The following KIF1B variants were observed in gnomAD, a reference collection of about 807,000 sequenced individuals.
KIF1B encodes kinesin-like protein KIF1B.
KIF1B carries 76 observed loss-of-function variants against 241.9 expected under a neutral mutation model. That is an observed-to-expected ratio of 0.31 (90% CI 0.26 to 0.38). The LOEUF is 0.38. Among genes scored for constraint, KIF1B ranks in the 10% least tolerant of loss-of-function variants. The probability of loss-of-function intolerance (pLI) is 1.00; values close to 1 mark genes in which losing one functional copy is unlikely to be tolerated. For synonymous variants in KIF1B, 750 were observed against 796.7 expected (o/e 0.94, Z 0.99); for missense variants, 1,622 against 2,271.4 (o/e 0.71, Z 5.81).
Position 10,326,003 on chromosome 1 carries a change from G to A in KIF1B, c.2676-108G>A, listed in dbSNP as rs748803453. The A allele has an allele frequency of 4.0e-5, 57 of 1,410,086 alleles. No homozygotes were observed. Among genetic ancestry groups the A allele is most frequent in the Non-Finnish European group, 4.8e-5 (48 of 1,004,446 alleles). The allele number at this position is 1,410,086 out of a possible 1,614,324, so 87.3% of individuals were successfully genotyped here. A position where few individuals can be genotyped will look rare whatever the true frequency, so the allele number is the denominator to read the frequency against. Reference sequence around the variant, plus strand: ...TTTTGCTTTTCCATTTGCTTTTATTGTGTTGATTCCCCAGTGGATTCTGTC... The same window carrying A: ...TTTTGCTTTTCCATTTGCTTTTATTATGTTGATTCCCCAGTGGATTCTGTC... On this transcript the variant is annotated intron_variant, in intron 26 of 48. Transcript: ENST00000676179. This position sits in a 1 kb window ranked among gnomAD's most constrained non-coding sequence, Gnocchi z 5.2.
At chr1:10,266,491 G>T (rs2102203399) in intron 5 of KIF1B, among the ~76,000 whole-genome samples, 1 of 152,210 alleles carries the variant, frequency 6.6e-6, no homozygotes, top group African/African-American at 2.4e-5. Context: ...CACAAATCTT[G>T]GATAGGTCCT....
intron 22 of KIF1B, among the ~76,000 whole-genome samples, chr1:10,310,876 C>A (rs1043761952): frequency 1.3e-5 from 2 of 151,500 alleles, no homozygotes; most frequent in African/African-American, 4.9e-5. Context: ...TGAAAAGTGG[C>A]CTCTCATTGC....
chr1:10,221,528 G>T (rs1248354032), intron 1 of KIF1B, among the ~76,000 whole-genome samples: 1 of 151,988 alleles, frequency 6.6e-6, no homozygotes, highest in Non-Finnish European at 1.5e-5. Context: ...CTTAAATTTT[G>T]GGGGGCCATT....
intron 2 of KIF1B, among the ~76,000 whole-genome samples, chr1:10,251,754 C>T (rs1265519610): frequency 6.6e-6 from 1 of 151,668 alleles, no homozygotes. Context: ...AAAGCTTTAT[C>T]ATTTATTTTT....
rs1168738652 is a variant in KIF1B, at chr1:10,374,247, T to TA, written c.4947-68dup. The stretch of plus-strand genomic sequence containing the variant: ...CATTGTGTTCCTCCCAGTGAAACAG[T>TA]ACTCAGTATGCCTTGATTGTAACTG... On this transcript the variant is annotated intron_variant, in intron 45 of 48. Coordinates refer to ENST00000676179, the MANE Select transcript of KIF1B (RefSeq NM_001365951.3). This position sits in a 1 kb window ranked among gnomAD's most constrained non-coding sequence, Gnocchi z 4.3. 12 of 1,510,544 alleles carry TA rather than the reference T, an allele frequency of 7.9e-6. No homozygotes were observed. The East Asian group carries it at 2.7e-4, about 34-fold the overall frequency. The allele number at this position is 1,510,544 out of a possible 1,614,324, so 93.6% of individuals were successfully genotyped here.
chr1:10,356,138 C>G (rs1349951811), intron 38 of KIF1B, among the ~76,000 whole-genome samples: 1 of 151,954 alleles, frequency 6.6e-6, no homozygotes, highest in African/African-American at 2.4e-5. Context: ...GAGGCCAAGG[C>G]GGGTGGATCA....
chr1:10,242,044 T>C (rs768667734), intron 2 of KIF1B, among the ~76,000 whole-genome samples: 1 of 152,158 alleles, frequency 6.6e-6, no homozygotes, highest in Non-Finnish European at 1.5e-5. Flanking sequence ...TTGTGGTGTT[T>C]AGGGATGAAT....
intron 1 of KIF1B, among the ~76,000 whole-genome samples, chr1:10,229,448 A>G (rs1646949873): frequency 6.6e-6 from 1 of 152,208 alleles, no homozygotes; most frequent in East Asian, 1.9e-4. Flanking sequence ...CAAACGAGAC[A>G]GGAGATCTCT....
rs1388178227 is a variant in KIF1B, at chr1:10,337,206, A to C, written c.3259+3A>C. 1.1e-5 allele frequency: 18 copies of C among 1,614,054 alleles called. No individual in the cohort carries two copies. Among genetic ancestry groups the C allele is most frequent in the Admixed American group, 1.7e-5 (1 of 60,002 alleles). On this transcript the variant is annotated splice_donor_region_variant and intron_variant, in intron 30 of 48. Transcript: ENST00000676179. The surrounding 1 kb of genome is among the most constrained non-coding windows in gnomAD (Gnocchi z 4.0). ...AATCAGTCGAATTAATGACTTGGGT[A>C]TGTAGACATAGTTTACTGTGCTTGG...
rs1205083878 is a variant in KIF1B, at chr1:10,225,836, C to T, written c.-79-6414C>T. The stretch of plus-strand genomic sequence containing the variant: ...ACTTTGAATGCCATTGTGGGGAGTT[C>T]AGTCATTGCTTCGTAGACAGGAGGG... On this transcript the variant is annotated intron_variant, in intron 1 of 48. Transcript: ENST00000676179. 7.2e-5 allele frequency among the ~76,000 whole-genome samples: 11 copies of T among 152,154 alleles called. No homozygotes were observed. The East Asian group carries it at 2.1e-3, about 29-fold the overall frequency.
chr1:10,276,498 A>G lies in KIF1B; in HGVS notation c.1037+99A>G, dbSNP rs1296714585. 10 of 786,506 alleles carry G rather than the reference A, an allele frequency of 1.3e-5. 1 individual carries two copies. The highest frequency in any genetic ancestry group is 5.3e-5 in the East Asian group (2 of 37,484). The allele number at this position is 786,506 out of a possible 1,614,324, so 48.7% of individuals were successfully genotyped here. ...TTTTATGCTATCTGGGTAGTTATTT[A>G]TGTAAATAATGTTCCTTTCCTCTCA... On this transcript the variant is annotated intron_variant, in intron 12 of 48. Transcript: ENST00000676179.
intron 22 of KIF1B, 66 bp downstream of exon 22, chr1:10,297,312 C>A: frequency 7.1e-7 from 1 of 1,405,576 alleles, no homozygotes; most frequent in South Asian, 1.2e-5. Flanking sequence ...TTCCCTGTTC[C>A]ACAGAGCAGT....
At chr1:10,336,949 G>A in intron 29 of KIF1B, 125 bp from the exon 30 acceptor site, 1 of 1,313,866 alleles carries the variant, frequency 7.6e-7, no homozygotes, top group Non-Finnish European at 1.1e-6. Flanking sequence ...TCCTCAGACA[G>A]CCCTCAGTCC....
chr1:10,312,852 T>C (rs1162174969), intron 22 of KIF1B, among the ~76,000 whole-genome samples: 2 of 151,528 alleles, frequency 1.3e-5, no homozygotes, highest in Non-Finnish European at 2.9e-5. Flanking sequence ...CTGTCTCCTT[T>C]GTCAATGGAA....
rs531640427 is a variant in KIF1B at position 10,380,863 on chromosome 1, A to AT, written c.*4279dup. On this transcript the variant is annotated 3_prime_UTR_variant, in exon 49 of 49. Coordinates refer to ENST00000676179, the MANE Select transcript of KIF1B (RefSeq NM_001365951.3). ...ATGACTGTGTAGCAGGAATGTTTTA[A>AT]TTTGTGCTTCCTTAGTAAATTGAAA... is the stretch of plus-strand genomic sequence containing the variant. 9.1e-3 allele frequency: 2,004 copies of AT among 219,370 alleles called. 15 individuals are homozygous for AT. Among genetic ancestry groups the AT allele is most frequent in the Admixed American group, 0.018 (304 of 17,304 alleles). The allele number at this position is 219,370 out of a possible 1,614,324, so 13.6% of individuals were successfully genotyped here. A position where few individuals can be genotyped will look rare whatever the true frequency, so the allele number is the denominator to read the frequency against.
At chr1:10,272,966 G>T in intron 9 of KIF1B, 48 bp from the exon 10 acceptor site, 5 of 1,488,704 alleles carry the variant, frequency 3.4e-6, no homozygotes, top group Non-Finnish European at 2.7e-6. Flanking sequence ...TCTACTTGGA[G>T]GCTTATCCTG....
chr1:10,228,709 A>G (rs916534853), intron 1 of KIF1B, among the ~76,000 whole-genome samples: 2 of 152,234 alleles, frequency 1.3e-5, no homozygotes, highest in Non-Finnish European at 2.9e-5. Context: ...ATCAAAGACT[A>G]AAAGCCCAAA....
intron 1 of KIF1B, among the ~76,000 whole-genome samples, chr1:10,231,475 C>T (rs1294851066): frequency 2.7e-5 from 4 of 150,450 alleles, no homozygotes; most frequent in African/African-American, 9.8e-5. Context: ...CAGCCTCCAC[C>T]TCCTGGGTTC....
intron 1 of KIF1B, among the ~76,000 whole-genome samples, chr1:10,223,110 G>GGC (rs1646865876): frequency 6.7e-6 from 1 of 149,216 alleles, no homozygotes; most frequent in South Asian, 2.2e-4. Context: ...AAATTAGCCA[G>GGC]GTGTGGTGGC....
Sources: gnomAD v4.1 joint callset for allele counts (sites outside exome capture counted in the v4.1 genomes callset) on GRCh38, gnomAD v4.1.1 for gene constraint, Gnocchi (gnomAD v3.1) non-coding constraint, MANE v1.5 for transcripts, NCBI Gene and HGNC (gene_info 2026-07-23, HGNC 2026-07-21) for gene names.